RUFY4: variants seen among roughly 807,000 people sequenced by gnomAD.
The protein encoded by RUFY4 is RUN and FYVE domain-containing protein 4.
In RUFY4, 73 loss-of-function variants were observed where a neutral mutation model predicts 69.0. That is an observed-to-expected ratio of 1.06 (90% confidence interval 0.88 to 1.29). The LOEUF is 1.29. Among genes scored for constraint, RUFY4 ranks in the 50% most tolerant of loss-of-function variants. The probability of loss-of-function intolerance (pLI) is 0.00; values close to 1 mark genes in which losing one functional copy is unlikely to be tolerated. For missense variants in RUFY4, 770 were observed against 705.6 expected (o/e 1.09, Z -1.03); for synonymous variants, 287 against 271.8 (o/e 1.06, Z -0.55).
chr2:218,089,243 C>G lies in RUFY4; in HGVS notation c.1503-9C>G. 1 of 1,607,496 alleles carries G rather than the reference C, an allele frequency of 6.2e-7. No individual in the cohort carries two copies. Among genetic ancestry groups the G allele is most frequent in the Non-Finnish European group, 8.5e-7 (1 of 1,174,568 alleles). On this transcript the variant is annotated splice_polypyrimidine_tract_variant and intron_variant, in intron 9 of 10. Transcript: ENST00000344321. ...TGTCTGTGTCTCTCCACCTTCATCC[C>G]CCCATCAGAGAGAAGGACCGCCTGT...
chr2:218,040,360 TCTAA>T (rs975662109), intron 2 of RUFY4, among the ~76,000 whole-genome samples: 1 of 152,184 alleles, frequency 6.6e-6, no homozygotes, highest in Non-Finnish European at 1.5e-5. Flanking sequence ...TCAAGTGCCC[TCTAA>T]CTGTTAAGTC....
chr2:218,082,446 A>G (rs189404683), intron 8 of RUFY4, among the ~76,000 whole-genome samples: 5 of 152,304 alleles, frequency 3.3e-5, no homozygotes, highest in Admixed American at 2.6e-4. Context: ...TTAAATGGAA[A>G]TGTTTAAAAA....
In RUFY4 at chr2:218,089,799, C is replaced by T. The variant is rs1180464193; in HGVS notation, c.1614-153C>T. 4 of 721,854 alleles carry T rather than the reference C, an allele frequency of 5.5e-6. No individual in the cohort carries two copies. The East Asian group carries it at 8.0e-5, about 14-fold the overall frequency. The allele number at this position is 721,854 out of a possible 1,614,324, so 44.7% of individuals were successfully genotyped here. On this transcript the variant is annotated intron_variant, in intron 10 of 10. Transcript: ENST00000344321. ...AGGACACCCTTCAGGAGAGGGGAGA[C>T]CTCCTGAGACAAACCAAGGGCATTC...
rs889378850 is a variant in RUFY4, at chr2:218,070,897, A to T, written c.153+38A>T. 1.1e-5 allele frequency: 16 copies of T among 1,456,642 alleles called. No homozygotes were observed. The Admixed American group carries it at 3.4e-4, about 31-fold the overall frequency. The allele number at this position is 1,456,642 out of a possible 1,614,324, so 90.2% of individuals were successfully genotyped here. The stretch of plus-strand genomic sequence containing the variant: ...CCTCCCCTTCCCCATCCCTCTCCCC[A>T]GACCCAGATAACTGGTGGGACATTC... On this transcript the variant is annotated intron_variant, in intron 2 of 10. Coordinates refer to ENST00000344321, the Ensembl canonical transcript of RUFY4.
intron 2 of RUFY4, among the ~76,000 whole-genome samples, chr2:218,049,678 T>C (rs143279896): frequency 0.02 from 3,011 of 152,214 alleles, 95 homozygotes; most frequent in African/African-American, 0.068. Context: ...GGCTAATTTT[T>C]TGTATTTTTA....
chr2:218,084,472 T>C (rs1047176733), intron 9 of RUFY4, among the ~76,000 whole-genome samples: 1 of 151,822 alleles, frequency 6.6e-6, no homozygotes, highest in African/African-American at 2.4e-5. Context: ...CCACAAGCAA[T>C]CCACCCAGCT....
chr2:218,073,996 T>C (rs1689560942), intron 6 of RUFY4, 111 bp downstream of exon 8: 1 of 1,078,716 alleles, frequency 9.3e-7, no homozygotes, highest in Non-Finnish European at 1.4e-6. Flanking sequence ...GCCCTGACCC[T>C]ACAGGACAGA....
intron 2 of RUFY4, among the ~76,000 whole-genome samples, chr2:218,035,972 C>G (rs570371260): frequency 2.0e-5 from 3 of 152,324 alleles, no homozygotes; most frequent in Non-Finnish European, 2.9e-5. Flanking sequence ...AGCCTAGTGT[C>G]CACATGGCAT....
chr2:218,082,498 A>G (rs994202641), intron 8 of RUFY4, among the ~76,000 whole-genome samples: 1 of 152,208 alleles, frequency 6.6e-6, no homozygotes, highest in Non-Finnish European at 1.5e-5. Context: ...CCCTCCCTCT[A>G]AAGGAAAACT....
intron 7 of RUFY4, among the ~76,000 whole-genome samples, chr2:218,076,047 A>C (rs991894285): frequency 6.6e-6 from 1 of 152,108 alleles, no homozygotes; most frequent in African/African-American, 2.4e-5. Context: ...TCCTCTCTCC[A>C]GTTCCATATC....
exon 10 of RUFY4, chr2:218,089,330 C>A: frequency 6.2e-7 from 1 of 1,613,934 alleles, no homozygotes; most frequent in Middle Eastern, 1.6e-4. Context: ...GTAGCAAGAT[C>A]TTTGGCCGAT....
At chr2:218,060,709 A>T in intron 3 of RUFY4, 1 of 1,367,376 alleles carries the variant, frequency 7.3e-7, no homozygotes, top group Non-Finnish European at 1.0e-6. Flanking sequence ...GGCCTTAAAC[A>T]GCGTATGCAG....
intron 3 of RUFY4, 114 bp downstream of exon 5, chr2:218,072,613 C>T: frequency 7.0e-7 from 1 of 1,423,300 alleles, no homozygotes; most frequent in Non-Finnish European, 9.3e-7. Flanking sequence ...CTGCATGTCT[C>T]CTAAGCCCTG....
chr2:218,081,830 C>G (rs1689765410), intron 8 of RUFY4, among the ~76,000 whole-genome samples: 2 of 152,336 alleles, frequency 1.3e-5, no homozygotes, highest in South Asian at 4.1e-4. Flanking sequence ...GAGCTGCTGA[C>G]AGTTTGATGT....
chr2:218,049,420 G>A (rs1275067023), intron 2 of RUFY4, among the ~76,000 whole-genome samples: 1 of 151,998 alleles, frequency 6.6e-6, no homozygotes. Flanking sequence ...CACTCTCCTG[G>A]CCAGTAGAGT....
upstream of RUFY4, among the ~76,000 whole-genome samples, chr2:218,068,222 G>A (rs1277015198): frequency 6.6e-6 from 1 of 150,498 alleles, no homozygotes; most frequent in Non-Finnish European, 1.5e-5. Flanking sequence ...GGATGGCAGG[G>A]GGTTAGAGGA....
upstream of RUFY4, chr2:218,070,164 T>A (rs1467575335): frequency 4.6e-6 from 1 of 219,498 alleles, no homozygotes; most frequent in Admixed American, 4.9e-5. Flanking sequence ...CCTCACGGGG[T>A]CACTCACACC....
rs745905922 is a variant in RUFY4, at chr2:218,072,894, G to A, written c.386+9G>A. On this transcript the variant is annotated intron_variant, in intron 4 of 10. Coordinates refer to ENST00000344321, the Ensembl canonical transcript of RUFY4. ...AACTCAGAGCTCACCAGGTGGGGCT[G>A]TTGGGACATCCTCCTGCCGATGCCA... 2 of 1,513,040 alleles carry A rather than the reference G, an allele frequency of 1.3e-6. No individual in the cohort carries two copies. The highest frequency in any genetic ancestry group is 1.8e-6 in the Non-Finnish European group (2 of 1,135,220). 93.7% of individuals were successfully genotyped at this position (1,513,040 alleles called of 1,614,324 possible). A position where few individuals can be genotyped will look rare whatever the true frequency, so the allele number is the denominator to read the frequency against.
At chr2:218,068,919 C>T (rs1340926161), upstream of RUFY4, 2 of 152,366 alleles carry the variant, frequency 1.3e-5, no homozygotes, top group East Asian at 3.9e-4. Flanking sequence ...GTGACAGAGA[C>T]GAGACAACCA....
Sources: gnomAD v4.1 joint callset for allele counts (sites outside exome capture counted in the v4.1 genomes callset) on GRCh38, gnomAD v4.1.1 for gene constraint, MANE v1.5 for transcripts, NCBI Gene and HGNC (gene_info 2026-07-23, HGNC 2026-07-21) for gene names.